FNDC3A: variants seen among roughly 807,000 people sequenced by gnomAD.
FNDC3A encodes the protein fibronectin type III domain containing 3A, also known as fibronectin type-III domain-containing protein 3A.
Under a neutral mutation model 148.9 loss-of-function variants are expected in FNDC3A, and 32 were observed. That is an observed-to-expected ratio of 0.21 (90% CI 0.16 to 0.29). The LOEUF (loss-of-function observed/expected upper bound fraction) is 0.29, where lower values mean the gene tolerates loss of function less well. Ranked by LOEUF, FNDC3A falls within the 10% of genes least tolerant of loss-of-function variation. The pLI, the probability that FNDC3A is intolerant of heterozygous loss-of-function variation, is 1.00. For synonymous variants in FNDC3A, 472 were observed against 473.6 expected, an observed-to-expected ratio of 1.00 and a Z score of 0.04; for missense variants, 1,191 against 1,452.8, an observed-to-expected ratio of 0.82 and a Z score of 2.93.
intron 8 of FNDC3A, among the ~76,000 whole-genome samples, chr13:49,149,867 G>A (rs1031363912): frequency 6.6e-6 from 1 of 152,088 alleles, no homozygotes; most frequent in Admixed American, 6.6e-5. Context: ...CTCATTACTC[G>A]TTATTGGTTG....
At chr13:49,151,904 G>T (rs1298629229) in intron 8 of FNDC3A, among the ~76,000 whole-genome samples, 4 of 152,188 alleles carry the variant, frequency 2.6e-5, no homozygotes, top group Admixed American at 2.6e-4. Flanking sequence ...CAAAGGATAT[G>T]AACTCATCCT....
Position 49,207,303 on chromosome 13 carries a change from A to G in FNDC3A, c.3505A>G (p.Ser1169Gly), listed in dbSNP as rs1221423327. 6.2e-7 allele frequency: 1 copy of G among 1,614,088 alleles called. No individual in the cohort carries two copies. Among genetic ancestry groups the G allele is most frequent in the Non-Finnish European group, 8.5e-7 (1 of 1,179,928 alleles). ...AAGCACAAGGACCCGACGGGCACTG[A>G]GTGACGAGCAGTGTGCTGCCGTCAT... Reference protein sequence around the residue: ...VESTRTRRALSDEQCAAVILV... With the variant: ...VESTRTRRALGDEQCAAVILV... Residue 1169 changes from serine (S) to glycine (G), a missense_variant, in exon 26 of 26, where the codon AGT becomes GGT. By Grantham distance (56) the Ser-to-Gly change is moderately conservative. Around this residue, in one of 3 missense-constraint regions of FNDC3A, gnomAD observed 751 missense variants for 944.0 expected, o/e 0.80. Coordinates refer to ENST00000492622, the MANE Select transcript of FNDC3A (RefSeq NM_001079673.2).
chr13:49,199,098 G>A (rs1053308010), intron 23 of FNDC3A, among the ~76,000 whole-genome samples: 1 of 151,850 alleles, frequency 6.6e-6, no homozygotes, highest in African/African-American at 2.4e-5. Flanking sequence ...TTGGCTCATT[G>A]CAACCTCTGC....
At chr13:49,002,043 TTC>T (rs1372218031) in intron 1 of FNDC3A, among the ~76,000 whole-genome samples, 2 of 152,162 alleles carry the variant, frequency 1.3e-5, no homozygotes, top group African/African-American at 4.8e-5. Flanking sequence ...GCTTTAAAAT[TTC>T]TCTCTTTTGT....
intron 4 of FNDC3A, among the ~76,000 whole-genome samples, chr13:49,117,172 G>A (rs117754905): frequency 6.6e-6 from 1 of 152,078 alleles, no homozygotes; most frequent in Admixed American, 6.6e-5. Flanking sequence ...CCGAGTTGAG[G>A]TTCTGTAATC....
At chr13:49,109,486 T>C (rs1880409964) in intron 3 of FNDC3A, among the ~76,000 whole-genome samples, 1 of 152,200 alleles carries the variant, frequency 6.6e-6, no homozygotes, top group African/African-American at 2.4e-5. Flanking sequence ...TACCTGTATA[T>C]TTTTGTTAGC....
chr13:49,104,051 A>G (rs762532886), intron 3 of FNDC3A, among the ~76,000 whole-genome samples: 22 of 152,200 alleles, frequency 1.4e-4, no homozygotes, highest in Non-Finnish European at 2.5e-4. Flanking sequence ...TTGAAAAAGT[A>G]TGATCAGGAG....
At chr13:49,000,246 G>C (rs1002397338) in intron 1 of FNDC3A, among the ~76,000 whole-genome samples, 1 of 152,114 alleles carries the variant, frequency 6.6e-6, no homozygotes, top group Non-Finnish European at 1.5e-5. Flanking sequence ...TCCATTTTGA[G>C]TTAATTTTTG....
At chr13:49,035,178 T>A (rs966027870) in intron 2 of FNDC3A, among the ~76,000 whole-genome samples, 2 of 152,062 alleles carry the variant, frequency 1.3e-5, no homozygotes, top group Non-Finnish European at 2.9e-5. Flanking sequence ...AACCCACACA[T>A]GTGTATAAGT....
intron 2 of FNDC3A, among the ~76,000 whole-genome samples, chr13:49,038,000 G>T (rs1404364601): frequency 6.6e-6 from 1 of 152,144 alleles, no homozygotes; most frequent in African/African-American, 2.4e-5. Context: ...TTGAGTGGTA[G>T]AAGTGGCTCT....
intron 16 of FNDC3A, among the ~76,000 whole-genome samples, chr13:49,188,173 TC>T (rs1286592354): frequency 2.6e-5 from 4 of 152,226 alleles, no homozygotes; most frequent in Non-Finnish European, 5.9e-5. Flanking sequence ...GGACTAGACT[TC>T]CTCTGATACT....
chr13:49,027,583 CTG>C (rs1267058482), intron 2 of FNDC3A, among the ~76,000 whole-genome samples: 1 of 152,006 alleles, frequency 6.6e-6, no homozygotes, highest in Non-Finnish European at 1.5e-5. Flanking sequence ...GGAGAGGGAA[CTG>C]AGGTTAGAAA....
rs1028777285 is a variant in FNDC3A at position 49,072,445 on chromosome 13, T to A, written c.100-2844T>A. On this transcript the variant is annotated intron_variant, in intron 2 of 25. Transcript: ENST00000492622. ...TTTATTTCTGGGTTCTCTGCTCTAT[T>A]CTGTTGATCTCTCTGTCTGTTTTTA... 2.0e-5 allele frequency among the ~76,000 whole-genome samples: 3 copies of A among 152,194 alleles called. No homozygotes were observed. In the South Asian group the frequency reaches 6.2e-4, roughly 31 times the overall value.
intron 10 of FNDC3A, among the ~76,000 whole-genome samples, chr13:49,170,983 C>A (rs1484485593): frequency 6.6e-6 from 1 of 152,082 alleles, no homozygotes; most frequent in Non-Finnish European, 1.5e-5. Context: ...GACTTTTGAT[C>A]TCTCTCTTTG....
chr13:49,127,814 A>G (rs949356621), intron 4 of FNDC3A, among the ~76,000 whole-genome samples: 4 of 152,072 alleles, frequency 2.6e-5, no homozygotes, highest in Admixed American at 2.0e-4. Flanking sequence ...ATGGAAGACT[A>G]TTGTTCCCTA....
chr13:49,145,669 A>G (rs1882950802), intron 7 of FNDC3A, 109 bp from the exon 8 acceptor site: 8 of 862,200 alleles, frequency 9.3e-6, no homozygotes, highest in Admixed American at 5.2e-5. Context: ...CATTTTATCT[A>G]TATAAACAGA....
At chr13:49,106,265 C>T (rs1388533971) in intron 3 of FNDC3A, among the ~76,000 whole-genome samples, 1 of 152,200 alleles carries the variant, frequency 6.6e-6, no homozygotes. Flanking sequence ...AATCTTCCCC[C>T]TCACCATCAG....
chr13:49,158,527 G>A (rs893969724), intron 8 of FNDC3A, among the ~76,000 whole-genome samples: 2 of 152,124 alleles, frequency 1.3e-5, no homozygotes, highest in Non-Finnish European at 2.9e-5. Context: ...GTTCCTATTC[G>A]GCCATCTTCG....
chr13:49,121,035 A>G (rs1177522396), intron 4 of FNDC3A, among the ~76,000 whole-genome samples: 1 of 152,226 alleles, frequency 6.6e-6, no homozygotes, highest in Non-Finnish European at 1.5e-5. Context: ...AAATCCACAC[A>G]ATATACATTC....
Sources: gnomAD v4.1 joint callset for allele counts (sites outside exome capture counted in the v4.1 genomes callset) on GRCh38, gnomAD v4.1.1 for gene constraint, gnomAD v4.1.1 regional missense constraint, MANE v1.5 for transcripts, NCBI Gene and HGNC (gene_info 2026-07-23, HGNC 2026-07-21) for gene names.